TAS2R1: variants seen among roughly 807,000 people sequenced by gnomAD.
TAS2R1 encodes taste 2 receptor member 1.
For missense variants in TAS2R1, 370 were observed against 353.4 expected (o/e 1.05, Z -0.38); for synonymous variants, 141 against 134.2 (o/e 1.05, Z -0.35).
Position 9,629,954 on chromosome 5 carries a change from T to A in TAS2R1, c.79A>T (p.Ile27Phe). The change falls in exon 1 of 1, where the codon ATT (isoleucine) becomes TTT (phenylalanine). Residue 27 changes from isoleucine (I) to phenylalanine (F), a missense_variant. Coordinates refer to ENST00000382492, the MANE Select transcript of TAS2R1 (RefSeq NM_019599.3). ...AAGTCAATGCCATTCACCACCACAA[T>A]GATGCCATTTGTGAAAATCCCAAGA... ...FLLGIFTNGI[I>F]VVVNGIDLIK... The A allele has an allele frequency of 6.2e-7, 1 of 1,608,428 alleles. No homozygotes were observed. The highest frequency in any genetic ancestry group is 2.2e-5 in the East Asian group (1 of 44,848).
chr5:9,785,367 T>C, the TAS2R1 span, among the ~76,000 whole-genome samples: 1 of 152,304 alleles, frequency 6.6e-6, no homozygotes, highest in East Asian at 1.9e-4. Flanking sequence ...CAATAACATC[T>C]GGGGGAAGTC....
intron 1 of TAS2R1, among the ~76,000 whole-genome samples, chr5:9,667,993 TA>T (rs1740671444): frequency 6.6e-6 from 1 of 152,012 alleles, no homozygotes; most frequent in Non-Finnish European, 1.5e-5. Context: ...CGGAGAAAGT[TA>T]AAACCCAATG....
chr5:9,755,751 G>C, the TAS2R1 span, among the ~76,000 whole-genome samples: 494 of 152,208 alleles, frequency 3.2e-3, 4 homozygotes, highest in African/African-American at 0.011. Context: ...GAAAGGCATG[G>C]GCAATTTCCC....
the TAS2R1 span, among the ~76,000 whole-genome samples, chr5:9,895,951 G>C: frequency 6.6e-6 from 1 of 152,308 alleles, no homozygotes; most frequent in South Asian, 2.1e-4. Flanking sequence ...GCACATCCAG[G>C]GTTAGGGATG....
the TAS2R1 span, among the ~76,000 whole-genome samples, chr5:9,767,001 C>G: frequency 1.7e-4 from 26 of 152,116 alleles, no homozygotes; most frequent in Non-Finnish European, 3.4e-4. Flanking sequence ...TTTCATGAGT[C>G]TAAACAACAC....
chr5:9,642,062 G>A (rs375093240), intron 2 of TAS2R1: 4 of 152,224 alleles, frequency 2.6e-5, no homozygotes, highest in South Asian at 2.1e-4. Context: ...TGAGGTAACT[G>A]ACAGGCGGAA....
At chr5:9,785,163 G>C in the TAS2R1 span, among the ~76,000 whole-genome samples, 1 of 152,094 alleles carries the variant, frequency 6.6e-6, no homozygotes, top group Non-Finnish European at 1.5e-5. Flanking sequence ...CCCACAGCCA[G>C]GTGAGTTCTG....
At chr5:9,900,611 T>C in the TAS2R1 span, among the ~76,000 whole-genome samples, 2 of 139,428 alleles carry the variant, frequency 1.4e-5, no homozygotes, top group African/African-American at 5.4e-5. Context: ...ATACACTTGC[T>C]CAAATGGTTT....
At chr5:9,793,121 C>A in the TAS2R1 span, among the ~76,000 whole-genome samples, 1 of 152,134 alleles carries the variant, frequency 6.6e-6, no homozygotes, top group African/African-American at 2.4e-5. Context: ...ACACATCCAG[C>A]AAAACACGGT....
chr5:9,862,200 T>TAA, the TAS2R1 span, among the ~76,000 whole-genome samples: 278 of 150,056 alleles, frequency 1.9e-3, 8 homozygotes, highest in South Asian at 0.035. Context: ...ACGTTAAGTT[T>TAA]AAAAAAAAAA....
the TAS2R1 span, among the ~76,000 whole-genome samples, chr5:9,734,501 C>A: frequency 7.0e-6 from 1 of 142,640 alleles, no homozygotes; most frequent in African/African-American, 2.6e-5. Flanking sequence ...AGAAACTGTA[C>A]AAGAGGTTTT....
the TAS2R1 span, among the ~76,000 whole-genome samples, chr5:9,775,335 C>A: frequency 5.9e-5 from 9 of 152,196 alleles, no homozygotes; most frequent in African/African-American, 2.2e-4. Flanking sequence ...ACAGTGGGCT[C>A]CTTGCTGGCC....
intron 1 of TAS2R1, among the ~76,000 whole-genome samples, chr5:9,702,795 T>G: frequency 6.7e-6 from 1 of 149,876 alleles, no homozygotes; most frequent in African/African-American, 2.5e-5. Flanking sequence ...AGAGGACTGG[T>G]GGAGAGAAAG....
At chr5:9,761,521 A>G in the TAS2R1 span, among the ~76,000 whole-genome samples, 1 of 152,208 alleles carries the variant, frequency 6.6e-6, no homozygotes, top group East Asian at 1.9e-4. Context: ...TGAAAACTCC[A>G]GAAGGATAGA....
chr5:9,782,478 G>T, the TAS2R1 span, among the ~76,000 whole-genome samples: 2 of 152,118 alleles, frequency 1.3e-5, no homozygotes, highest in South Asian at 2.1e-4. Flanking sequence ...GGGCTGGGGG[G>T]GTCCCACCCA....
the TAS2R1 span, among the ~76,000 whole-genome samples, chr5:9,719,605 A>ACT: frequency 1.3e-5 from 2 of 151,876 alleles, no homozygotes; most frequent in Admixed American, 6.6e-5. Context: ...GCAGCACTGG[A>ACT]CTCTTCTGGC....
In TAS2R1 at chr5:9,695,577, C is replaced by T. The variant is rs536465118; in HGVS notation, c.-242+16595G>A. On this transcript the variant is annotated intron_variant, in intron 1 of 2. Transcript: ENST00000506620. ...CTTTCTCTGATCATTTAAAAAGCGG[C>T]TTGGGTGCACTGGGGGTGGGAGTAT... Among the ~76,000 whole-genome samples, 3 of 152,164 alleles carry T rather than the reference C, an allele frequency of 2.0e-5. No individual in the cohort carries two copies. In the South Asian group the frequency reaches 6.3e-4, roughly 32 times the overall value.
At chr5:9,799,786 G>A in the TAS2R1 span, among the ~76,000 whole-genome samples, 2 of 152,114 alleles carry the variant, frequency 1.3e-5, no homozygotes, top group Non-Finnish European at 2.9e-5. Context: ...AAATCCTGAG[G>A]GCTGTCACAG....
the TAS2R1 span, among the ~76,000 whole-genome samples, chr5:9,787,321 A>T: frequency 1.5e-4 from 23 of 152,244 alleles, no homozygotes; most frequent in Non-Finnish European, 3.1e-4. Context: ...TTAAAAGAAA[A>T]CATCATGAAA....
Sources: gnomAD v4.1 joint callset for allele counts (sites outside exome capture counted in the v4.1 genomes callset) on GRCh38, gnomAD v4.1.1 for gene constraint, MANE v1.5 for transcripts, NCBI Gene and HGNC (gene_info 2026-07-23, HGNC 2026-07-21) for gene names.